DNAH6: variants seen among roughly 807,000 people sequenced by gnomAD.
DNAH6 encodes dynein axonemal heavy chain 6, also known as axonemal beta dynein heavy chain 6.
Under a neutral mutation model 491.4 loss-of-function variants are expected in DNAH6, and 340 were observed. That is an observed-to-expected ratio of 0.69 (90% CI 0.63 to 0.76). The LOEUF is 0.76. DNAH6 is among the 30% of genes least tolerant of loss of function. DNAH6 has a pLI of 0.00. For synonymous variants in DNAH6, 1,603 were observed against 1,686.1 expected (o/e 0.95, Z 1.21); for missense variants, 4,443 against 4,972.2 (o/e 0.89, Z 3.20).
Position 84,670,415 on chromosome 2 carries a change from T to C in DNAH6, c.6394T>C (p.Ser2132Pro). Reference sequence around the variant, plus strand: ...TCTAAATTTTTCTGCTCAAACTTCATCTGCAAGGACACAAGAGATCATTGA... The same window carrying C: ...TCTAAATTTTTCTGCTCAAACTTCACCTGCAAGGACACAAGAGATCATTGA... Reference protein sequence around the residue: ...VYLNFSAQTSSARTQEIIESK... With the variant: ...VYLNFSAQTSPARTQEIIESK... The change falls in exon 39 of 77, where the codon TCT (serine) becomes CCT (proline). Residue 2132 changes from serine to proline, a missense_variant. Ser to Pro is a moderately conservative substitution (Grantham distance 74, BLOSUM62 -1). Transcript: ENST00000389394. 1 of 1,547,662 alleles carries C rather than the reference T, an allele frequency of 6.5e-7. No individual in the cohort carries two copies. The highest frequency in any genetic ancestry group is 8.7e-7 in the Non-Finnish European group (1 of 1,144,694).
the DNAH6 span, among the ~76,000 whole-genome samples, chr2:84,475,740 AGCATCTT>A: frequency 6.6e-6 from 1 of 152,218 alleles, no homozygotes; most frequent in Non-Finnish European, 1.5e-5. Context: ...GCTGTATTAC[AGCATCTT>A]GAGGTGTTTT....
intron 65 of DNAH6, 79 bp downstream of exon 65, chr2:84,781,732 A>T: frequency 7.0e-7 from 1 of 1,427,412 alleles, no homozygotes; most frequent in Non-Finnish European, 9.3e-7. Context: ...CCTTATAGTA[A>T]TTCATTATTG....
At chr2:84,787,142 T>G in intron 67 of DNAH6, 22 bp from the exon 68 acceptor site, 1 of 1,465,982 alleles carries the variant, frequency 6.8e-7, no homozygotes, top group East Asian at 2.6e-5. Flanking sequence ...TTATTTCAGA[T>G]CATTTTCATT....
intron 41 of DNAH6, 39 bp from the exon 42 acceptor site, chr2:84,681,318 A>C: frequency 6.9e-7 from 1 of 1,448,724 alleles, no homozygotes; most frequent in Non-Finnish European, 9.2e-7. Flanking sequence ...TTTGGTTTAA[A>C]ATAAATCTAA....
intron 59 of DNAH6, among the ~76,000 whole-genome samples, chr2:84,720,220 T>C (rs924747341): frequency 6.6e-6 from 1 of 151,346 alleles, no homozygotes; most frequent in Admixed American, 6.6e-5. Context: ...GGGGGTCCTC[T>C]TACAACCAAT....
At chr2:84,515,865 G>A (rs919342039), upstream of DNAH6, among the ~76,000 whole-genome samples, 3 of 152,140 alleles carry the variant, frequency 2.0e-5, no homozygotes, top group Non-Finnish European at 2.9e-5. Context: ...TTGGTAGAAG[G>A]GGCACGGGAA....
Position 84,658,494 on chromosome 2 carries a change from T to C in DNAH6, c.5940+20T>C. 7.2e-7 allele frequency: 1 copy of C among 1,394,680 alleles called. No homozygotes were observed. The allele number at this position is 1,394,680 out of a possible 1,614,324, so 86.4% of individuals were successfully genotyped here. On this transcript the variant is annotated intron_variant, in intron 36 of 76. Coordinates refer to ENST00000389394, the MANE Select transcript of DNAH6 (RefSeq NM_001370.2). ...GCAATGGTATGAAGAGTTTTCTTAT[T>C]GCTATGAAGCTAGAAAAATTAGATT...
intron 37 of DNAH6, among the ~76,000 whole-genome samples, chr2:84,667,638 G>C (rs1207104438): frequency 6.6e-6 from 1 of 152,168 alleles, no homozygotes; most frequent in East Asian, 1.9e-4. Context: ...TTACACTGTT[G>C]GTGGGACTGT....
chr2:84,644,548 G>A (rs1287037711), intron 33 of DNAH6, among the ~76,000 whole-genome samples: 1 of 151,970 alleles, frequency 6.6e-6, no homozygotes, highest in East Asian at 1.9e-4. Flanking sequence ...CAGGCATTCA[G>A]CCCAGCATCC....
At chr2:84,576,662 T>C (rs1279427768) in intron 12 of DNAH6, among the ~76,000 whole-genome samples, 1 of 152,088 alleles carries the variant, frequency 6.6e-6, no homozygotes, top group Non-Finnish European at 1.5e-5. Flanking sequence ...TCAAGGATAA[T>C]GAGGTTTCCA....
chr2:84,546,249 T>C (rs1456354616), intron 5 of DNAH6, among the ~76,000 whole-genome samples: 2 of 152,290 alleles, frequency 1.3e-5, no homozygotes, highest in Middle Eastern at 3.4e-3. Context: ...CCACGGATGC[T>C]CAAGTCCCTT....
rs1228499194 is a variant in DNAH6 at position 84,765,987 on chromosome 2, A to G, written c.10703+3042A>G. ...TATTAAGGATTAAAAGGAAAACTAC[A>G]TGGTATACAAAACAATCCACAAAGA... On this transcript the variant is annotated intron_variant, in intron 64 of 76. Transcript: ENST00000389394. 3.3e-5 allele frequency among the ~76,000 whole-genome samples: 5 copies of G among 152,144 alleles called. 1 individual carries two copies. The highest frequency in any genetic ancestry group is 1.2e-4 in the African/African-American group (5 of 41,474).
In DNAH6 at chr2:84,646,792, A is replaced by G. The variant is rs375554347; in HGVS notation, c.5078+4738A>G. ...CATGTGACTGAATTGCTGCAATCTC[A>G]TAATAAAACCTGCATGGATGAGGAG... On this transcript the variant is annotated intron_variant, in intron 33 of 76. Coordinates refer to ENST00000389394, the MANE Select transcript of DNAH6 (RefSeq NM_001370.2). Among the ~76,000 whole-genome samples, 24 of 152,346 alleles carry G rather than the reference A, an allele frequency of 1.6e-4. No homozygotes were observed. In the East Asian group the frequency reaches 4.6e-3, roughly 29 times the overall value.
intron 37 of DNAH6, among the ~76,000 whole-genome samples, chr2:84,665,028 T>C (rs1691941751): frequency 6.6e-6 from 1 of 151,798 alleles, no homozygotes; most frequent in Admixed American, 6.6e-5. Flanking sequence ...AAGGCAGAAG[T>C]AAAGATGTTC....
intron 3 of DNAH6, among the ~76,000 whole-genome samples, chr2:84,526,245 G>C (rs1358085291): frequency 1.3e-5 from 2 of 152,004 alleles, no homozygotes; most frequent in Admixed American, 1.3e-4. Context: ...AAACAATAAG[G>C]GGAGAAAATA....
intron 28 of DNAH6, 139 bp downstream of exon 28, chr2:84,624,759 A>C (rs760471259): frequency 7.3e-6 from 9 of 1,235,940 alleles, no homozygotes; most frequent in Non-Finnish European, 1.0e-5. Context: ...TGCATTATTT[A>C]ATTATGTGCA....
chr2:84,627,604 A>T (rs1688003574), intron 29 of DNAH6, among the ~76,000 whole-genome samples: 1 of 152,186 alleles, frequency 6.6e-6, no homozygotes, highest in African/African-American at 2.4e-5. Flanking sequence ...GATCCTCGGT[A>T]TTATGAAAAT....
In DNAH6 at chr2:84,677,089, C is replaced by T; in HGVS notation, c.6697C>T (p.Leu2233=). The T allele has an allele frequency of 6.4e-7, 1 of 1,551,740 alleles. No homozygotes were observed. The highest frequency in any genetic ancestry group is 8.7e-7 in the Non-Finnish European group (1 of 1,146,970). ...CCGCTTCATCAGACACTTCAGCATGCTGTGCCTCCCAATGCCCTCAGAGCA... is the reference window on the plus strand; with the variant it reads ...CCGCTTCATCAGACACTTCAGCATGTTGTGCCTCCCAATGCCCTCAGAGCA... ...TPRFIRHFSM[L]CLPMPSEHSL... The change falls in exon 41 of 77, where the codon CTG becomes TTG. Residue 2233 remains leucine, a synonymous_variant. Coordinates refer to ENST00000389394, the MANE Select transcript of DNAH6 (RefSeq NM_001370.2).
the DNAH6 span, among the ~76,000 whole-genome samples, chr2:84,482,736 T>C: frequency 3.9e-5 from 6 of 152,224 alleles, no homozygotes; most frequent in African/African-American, 1.4e-4. Context: ...AATGACACTC[T>C]AGGTTTTTTG....
Sources: allele counts gnomAD v4.1 joint callset (sites outside exome capture counted in the v4.1 genomes callset), GRCh38; gene constraint gnomAD v4.1.1; transcripts MANE v1.5; gene names NCBI Gene and HGNC (gene_info 2026-07-23, HGNC 2026-07-21).